Variants in MKX observed in about 807,000 individuals in gnomAD.
The protein encoded by MKX is homeobox protein Mohawk.
MKX carries 13 observed loss-of-function variants against 36.0 expected under a neutral mutation model. The ratio of observed to expected loss-of-function variants is 0.36; its 90% CI spans 0.24 to 0.57. The LOEUF (loss-of-function observed/expected upper bound fraction) is 0.57. Among genes scored for constraint, MKX ranks in the 20% least tolerant of loss-of-function variants. The pLI, the probability that MKX is intolerant of heterozygous loss-of-function variation, is 0.79. For missense variants in MKX, 458 were observed against 456.4 expected (o/e 1.00, Z -0.03); for synonymous variants, 176 against 178.3 (o/e 0.99, Z 0.10).
chr10:27,728,954 G>A (rs1474447168), intron 5 of MKX, among the ~76,000 whole-genome samples: 6 of 152,070 alleles, frequency 3.9e-5, no homozygotes, highest in East Asian at 1.9e-4. Context: ...GTCTCCAACC[G>A]CAGCAGGACA....
intron 5 of MKX, among the ~76,000 whole-genome samples, chr10:27,712,095 T>C (rs929854880): frequency 6.6e-6 from 1 of 152,164 alleles, no homozygotes; most frequent in Non-Finnish European, 1.5e-5. Context: ...CCAGCTGTCC[T>C]GGCTTGGATA....
chr10:27,691,047 G>A (rs2132509506), intron 5 of MKX, among the ~76,000 whole-genome samples: 1 of 152,190 alleles, frequency 6.6e-6, no homozygotes, highest in African/African-American at 2.4e-5. Flanking sequence ...CGCCATGATT[G>A]TACATTTCCC....
At chr10:27,731,597 C>A (rs1834631005) in intron 5 of MKX, among the ~76,000 whole-genome samples, 1 of 151,872 alleles carries the variant, frequency 6.6e-6, no homozygotes, top group South Asian at 2.1e-4. Flanking sequence ...AGTTGGTGCA[C>A]ACGCATGTAA....
At chr10:27,729,161 T>C (rs921034018) in intron 5 of MKX, among the ~76,000 whole-genome samples, 1 of 152,260 alleles carries the variant, frequency 6.6e-6, no homozygotes. Context: ...ATGTGTCTAA[T>C]TAAGAGGGAT....
chr10:27,709,420 A>G (rs1218879045), intron 5 of MKX, among the ~76,000 whole-genome samples: 1 of 152,214 alleles, frequency 6.6e-6, no homozygotes, highest in Non-Finnish European at 1.5e-5. Context: ...TGGCAGAAGT[A>G]GGGTAAGTTC....
chr10:27,741,437 T>G lies in MKX; in HGVS notation c.256A>C (p.Lys86Gln), dbSNP rs1438178090. 1 of 1,612,248 alleles carries G rather than the reference T, an allele frequency of 6.2e-7. No individual in the cohort carries two copies. Among genetic ancestry groups the G allele is most frequent in the South Asian group, 1.1e-5 (1 of 90,726 alleles). ...QALQDMARPL[K>Q]QWLYKHRDNP... ...TCACGGTGCTTGTAAAGCCACTGCTTGAGGGGTCGCGCCATGTCTTGCAGG... is the reference window on the plus strand; with the variant it reads ...TCACGGTGCTTGTAAAGCCACTGCTGGAGGGGTCGCGCCATGTCTTGCAGG... The change falls in exon 3 of 7, where the codon AAG becomes CAG. Residue 86 changes from lysine to glutamine, a missense_variant. Physicochemically the swap from Lys to Gln is moderately conservative, Grantham distance 53 (BLOSUM62 1). This residue lies in a region of MKX where 12 missense variants were observed against 37.6 expected (regional missense o/e 0.32). Transcript: ENST00000419761. This position sits in a 1 kb window ranked among gnomAD's most constrained non-coding sequence, Gnocchi z 5.1.
Position 27,673,785 on chromosome 10 carries a change from G to GTTA in MKX, c.*1443_*1444insTAA. The GTTA allele has an allele frequency of 6.6e-6, 1 of 152,090 alleles. No individual in the cohort carries two copies. The highest frequency in any genetic ancestry group is 1.5e-5 in the Non-Finnish European group (1 of 67,876). 9.4% of individuals were successfully genotyped at this position (152,090 alleles called of 1,614,324 possible). A position where few individuals can be genotyped will look rare whatever the true frequency, so the allele number is the denominator to read the frequency against. On this transcript the variant is annotated 3_prime_UTR_variant, in exon 7 of 7. Transcript: ENST00000419761. ...CTGTCCATCAACTAGAGCAGCCTTT[G>GTTA]GTTTTAAAAGCATTTTGCAAAATAA...
intron 5 of MKX, among the ~76,000 whole-genome samples, chr10:27,696,118 C>T (rs1231047805): frequency 6.6e-6 from 1 of 152,154 alleles, no homozygotes; most frequent in Non-Finnish European, 1.5e-5. Context: ...CACTCTATTC[C>T]TCAAACGGTA....
intron 5 of MKX, among the ~76,000 whole-genome samples, chr10:27,730,073 T>G (rs1834590757): frequency 6.6e-6 from 1 of 152,204 alleles, no homozygotes; most frequent in Non-Finnish European, 1.5e-5. Flanking sequence ...AAACAAATTA[T>G]AATTTTAATT....
chr10:27,698,698 G>A (rs2815569), intron 5 of MKX, among the ~76,000 whole-genome samples: 118,291 of 152,094 alleles, frequency 0.78, 46,225 homozygotes, highest in Admixed American at 0.83. Flanking sequence ...TTCCTGTGTA[G>A]CTGTTGATGT....
At chr10:27,702,536 A>G (rs1338619136) in intron 5 of MKX, among the ~76,000 whole-genome samples, 1 of 152,246 alleles carries the variant, frequency 6.6e-6, no homozygotes, top group Non-Finnish European at 1.5e-5. Flanking sequence ...CAAAAGGAAT[A>G]CAAACATCCT....
chr10:27,679,984 T>A (rs1197661036), intron 5 of MKX, among the ~76,000 whole-genome samples: 1 of 152,152 alleles, frequency 6.6e-6, no homozygotes, highest in African/African-American at 2.4e-5. Flanking sequence ...TGTCCACTGC[T>A]GACAGGTGGT....
At chr10:27,702,725 A>T (rs1836679545) in intron 5 of MKX, among the ~76,000 whole-genome samples, 1 of 152,202 alleles carries the variant, frequency 6.6e-6, no homozygotes. Context: ...ATTAGTTTGC[A>T]GAAGACTTAC....
At chr10:27,708,688 A>G (rs1451625673) in intron 5 of MKX, among the ~76,000 whole-genome samples, 2 of 151,040 alleles carry the variant, frequency 1.3e-5, no homozygotes, top group African/African-American at 4.9e-5. Flanking sequence ...GGATGATGCC[A>G]CTGCACTCCA....
At position 27,743,384 on chromosome 10, in the gene MKX, C is replaced by T; in HGVS notation, c.32G>A (p.Gly11Asp). 1 of 1,570,632 alleles carries T rather than the reference C, an allele frequency of 6.4e-7. No homozygotes were observed. The highest frequency in any genetic ancestry group is 8.6e-7 in the Non-Finnish European group (1 of 1,161,052). The change falls in exon 2 of 7, where the codon GGT becomes GAT. Residue 11 changes from glycine to aspartate, a missense_variant. Gly to Asp is a moderately conservative substitution (Grantham distance 94). Coordinates refer to ENST00000419761, the MANE Select transcript of MKX (RefSeq NM_173576.3). ...GCCTCCGTCCTCAAACAGCACCGCA[C>T]CGCTGAGCTTGTTGAAGACGATGGT... MNTIVFNKLSGAVLFEDGGAS... is the reference protein window; with the variant it reads MNTIVFNKLSDAVLFEDGGAS...
intron 5 of MKX, among the ~76,000 whole-genome samples, chr10:27,731,492 T>C (rs1002836387): frequency 2.0e-5 from 3 of 152,200 alleles, no homozygotes; most frequent in African/African-American, 4.8e-5. Context: ...CAGCCATTGA[T>C]TGTTTTGACC....
intron 5 of MKX, among the ~76,000 whole-genome samples, chr10:27,693,412 G>A (rs957530938): frequency 2.0e-5 from 3 of 152,050 alleles, no homozygotes; most frequent in African/African-American, 7.3e-5. Flanking sequence ...AAACTATAAA[G>A]AAAGAAAGGG....
chr10:27,679,952 G>T (rs916996163), intron 5 of MKX, among the ~76,000 whole-genome samples: 2 of 152,114 alleles, frequency 1.3e-5, no homozygotes. Context: ...ACCACTGGCG[G>T]TCATAGGGGT....
intron 5 of MKX, among the ~76,000 whole-genome samples, chr10:27,718,778 T>C (rs928985414): frequency 4.6e-5 from 7 of 152,112 alleles, no homozygotes; most frequent in African/African-American, 1.7e-4. Context: ...TAAATTATAT[T>C]TATCTCTTTA....
Sources: gnomAD v4.1 joint callset for allele counts (sites outside exome capture counted in the v4.1 genomes callset) on GRCh38, gnomAD v4.1.1 for gene constraint, gnomAD v4.1.1 regional missense constraint, Gnocchi (gnomAD v3.1) non-coding constraint, MANE v1.5 for transcripts, NCBI Gene and HGNC (gene_info 2026-07-23, HGNC 2026-07-21) for gene names.